CTNNA2: variants seen among roughly 807,000 people sequenced by gnomAD.
CTNNA2 encodes catenin alpha 2, also known as catenin alpha-2.
In CTNNA2, 42 loss-of-function variants were observed where a neutral mutation model predicts 101.0. The ratio of observed to expected loss-of-function variants is 0.42; its 90% CI spans 0.32 to 0.54. The LOEUF is 0.54. Ranked by LOEUF, CTNNA2 falls within the 20% of genes least tolerant of loss-of-function variation. The pLI is 0.14. For synonymous variants in CTNNA2, 450 were observed against 456.4 expected, an observed-to-expected ratio of 0.99 and a Z score of 0.18; for missense variants, 871 against 1,223.1, an observed-to-expected ratio of 0.71 and a Z score of 4.29.
At chr2:79,428,601 C>A (rs1450807637) in intron 4 of CTNNA2, among the ~76,000 whole-genome samples, 1 of 151,626 alleles carries the variant, frequency 6.6e-6, no homozygotes, top group Non-Finnish European at 1.5e-5. Context: ...ATGTAAAAAA[C>A]AAAATAACAA....
At chr2:79,667,131 A>C (rs1057169575) in intron 2 of CTNNA2, among the ~76,000 whole-genome samples, 8 of 152,238 alleles carry the variant, frequency 5.3e-5, no homozygotes, top group Non-Finnish European at 1.2e-4. Flanking sequence ...ACTTTGGTAA[A>C]ATTTAATATC....
chr2:79,564,024 A>G (rs1452923856), intron 1 of CTNNA2, among the ~76,000 whole-genome samples: 1 of 152,048 alleles, frequency 6.6e-6, no homozygotes, highest in Non-Finnish European at 1.5e-5. Context: ...GGAGATGGAG[A>G]TGGCACAAGA....
intron 7 of CTNNA2, among the ~76,000 whole-genome samples, chr2:80,001,114 T>C (rs943380981): frequency 1.3e-5 from 2 of 152,182 alleles, no homozygotes; most frequent in East Asian, 1.9e-4. Context: ...TACACACAAC[T>C]TTTTTTTGTA....
At chr2:80,074,151 G>GTATT (rs1386266385) in intron 7 of CTNNA2, among the ~76,000 whole-genome samples, 1 of 151,782 alleles carries the variant, frequency 6.6e-6, no homozygotes, top group East Asian at 2.0e-4. Context: ...GATTTATTTA[G>GTATT]TATTTATTTA....
chr2:80,417,957 G>A (rs1461498016), intron 8 of CTNNA2, among the ~76,000 whole-genome samples: 1 of 152,036 alleles, frequency 6.6e-6, no homozygotes, highest in Admixed American at 6.6e-5. Context: ...TTTTTGTGTG[G>A]TATTAACAAA....
At chr2:79,572,106 C>T (rs182674486) in intron 1 of CTNNA2, among the ~76,000 whole-genome samples, 1 of 152,196 alleles carries the variant, frequency 6.6e-6, no homozygotes, top group African/African-American at 2.4e-5. Context: ...ATTTTTCACA[C>T]TTTTTAACTT....
chr2:79,977,097 A>G (rs940632843), intron 7 of CTNNA2, among the ~76,000 whole-genome samples: 1 of 152,216 alleles, frequency 6.6e-6, no homozygotes, highest in Non-Finnish European at 1.5e-5. Flanking sequence ...TGTTTCACAG[A>G]AATGTATTAA....
At chr2:79,317,122 G>T (rs908469929) in intron 3 of CTNNA2, among the ~76,000 whole-genome samples, 1 of 151,858 alleles carries the variant, frequency 6.6e-6, no homozygotes, top group East Asian at 1.9e-4. Context: ...TCAATAATGG[G>T]CATTGGGTTT....
intron 18 of CTNNA2, among the ~76,000 whole-genome samples, chr2:80,631,677 T>A (rs548536858): frequency 7.9e-5 from 12 of 152,230 alleles, no homozygotes; most frequent in African/African-American, 2.6e-4. Context: ...CCTGGCTTAT[T>A]AGGAGAACCA....
At chr2:80,236,303 T>C (rs1280594740) in intron 7 of CTNNA2, among the ~76,000 whole-genome samples, 3 of 152,220 alleles carry the variant, frequency 2.0e-5, no homozygotes, top group Non-Finnish European at 4.4e-5. Context: ...GTAGAGTGAT[T>C]TGTATTCCTC....
intron 3 of CTNNA2, among the ~76,000 whole-genome samples, chr2:79,342,063 T>G (rs1477386344): frequency 6.6e-6 from 1 of 152,198 alleles, no homozygotes; most frequent in Non-Finnish European, 1.5e-5. Context: ...AGTCATAAAC[T>G]GGGGCAGAGC....
intron 2 of CTNNA2, among the ~76,000 whole-genome samples, chr2:79,285,869 T>A (rs1224747193): frequency 6.8e-6 from 1 of 147,402 alleles, no homozygotes; most frequent in Non-Finnish European, 1.5e-5. Context: ...AAGTCTCCCA[T>A]TATTAATGTG....
chr2:79,623,053 T>C lies in CTNNA2; in HGVS notation c.-5-28499T>C, dbSNP rs546415605. ...ACACAAAATTATCTTAATAGGTTTT[T>C]ATTGTTTTGAAATAAATAAGCCTTT... On this transcript the variant is annotated intron_variant, in intron 1 of 18. Coordinates refer to ENST00000402739, the MANE Select transcript of CTNNA2 (RefSeq NM_001282597.3). Among the ~76,000 whole-genome samples the C allele has an allele frequency of 2.0e-5, 3 of 152,318 alleles. No homozygotes were observed. The South Asian group carries it at 6.2e-4, about 32-fold the overall frequency.
At chr2:80,069,688 T>G (rs1698203350) in intron 7 of CTNNA2, among the ~76,000 whole-genome samples, 1 of 152,112 alleles carries the variant, frequency 6.6e-6, no homozygotes, top group South Asian at 2.1e-4. Flanking sequence ...ATTGAAGAGA[T>G]TTGCTTAATA....
intron 4 of CTNNA2, among the ~76,000 whole-genome samples, chr2:79,477,400 G>C (rs146512044): frequency 6.6e-6 from 1 of 151,710 alleles, no homozygotes; most frequent in Non-Finnish European, 1.5e-5. Flanking sequence ...CAAACTCCTG[G>C]CCTCAGGTAA....
chr2:79,434,745 G>A (rs1221524925), intron 4 of CTNNA2, among the ~76,000 whole-genome samples: 1 of 152,164 alleles, frequency 6.6e-6, no homozygotes, highest in Non-Finnish European at 1.5e-5. Context: ...GAATACATGG[G>A]GACCAGAAGG....
In CTNNA2 at chr2:79,417,443, G is replaced by A. The variant is rs985898022; in HGVS notation, c.-135+43430G>A. On this transcript the variant is annotated intron_variant, in intron 4 of 21. Transcript: ENST00000466387. ...AATTGAGACAATATAAGAAAGGATT[G>A]TAAAATGTTCTAAGAGAAGGGCTAT... is the stretch of plus-strand genomic sequence containing the variant. Among the ~76,000 whole-genome samples the A allele has an allele frequency of 3.3e-5, 5 of 152,158 alleles. No individual in the cohort carries two copies. In the East Asian group the frequency reaches 9.6e-4, roughly 29 times the overall value.
chr2:79,527,474 C>CAAAAAAAAAAAAAA, intron 1 of CTNNA2, among the ~76,000 whole-genome samples: 1 of 85,178 alleles, frequency 1.2e-5, no homozygotes, highest in Admixed American at 1.5e-4. Context: ...ACTAAAAATA[C>CAAAAAAAAAAAAAA]AAAAAAAAAA....
intron 7 of CTNNA2, among the ~76,000 whole-genome samples, chr2:80,328,936 A>G (rs1408048261): frequency 1.3e-5 from 2 of 152,160 alleles, no homozygotes; most frequent in African/African-American, 4.8e-5. Context: ...TCAGGTTTCT[A>G]TATATGTTCC....
Sources: gnomAD v4.1 joint callset for allele counts (sites outside exome capture counted in the v4.1 genomes callset) on GRCh38, gnomAD v4.1.1 for gene constraint, MANE v1.5 for transcripts, NCBI Gene and HGNC (gene_info 2026-07-23, HGNC 2026-07-21) for gene names.